RALGDS: variants seen among roughly 807,000 people sequenced by gnomAD.
The protein encoded by RALGDS is ral guanine nucleotide exchange factor.
In RALGDS, 44 loss-of-function variants were observed where a neutral mutation model predicts 99.8. The observed-to-expected ratio is 0.44, with a 90% CI of 0.35 to 0.57. The LOEUF (loss-of-function observed/expected upper bound fraction) is 0.57. Among genes scored for constraint, RALGDS ranks in the 20% least tolerant of loss-of-function variants. The pLI is 0.01. For missense variants in RALGDS, 1,022 were observed against 1,203.1 expected (o/e 0.85, Z 2.23); for synonymous variants, 529 against 505.0 (o/e 1.05, Z -0.64).
chr9:133,137,115 C>T (rs1832440399), intron 1 of RALGDS, among the ~76,000 whole-genome samples: 1 of 152,082 alleles, frequency 6.6e-6, no homozygotes. Context: ...CACCTGTAGT[C>T]CCAGCTACTC....
rs906943419 is a variant in RALGDS at position 133,108,277 on chromosome 9, G to A, written c.908C>T (p.Ser303Leu). Residue 303 changes from serine (S) to leucine (L), a missense_variant, in exon 6 of 18, where the codon TCA becomes TTA. Ser to Leu is a moderately radical substitution (Grantham distance 145, BLOSUM62 -2). Transcript: ENST00000372050. ...PEPAPTPAPG[S>L]ELEVAPAPAP... Reference sequence around the variant, plus strand: ...TGGTGCTGGAGCTACTTCTAGCTCTGAACCTGGAGCTGGTGTTGGAGCTGG... The same window carrying A: ...TGGTGCTGGAGCTACTTCTAGCTCTAAACCTGGAGCTGGTGTTGGAGCTGG... The A allele has an allele frequency of 1.9e-6, 3 of 1,569,926 alleles. No individual in the cohort carries two copies. Among genetic ancestry groups the A allele is most frequent in the African/African-American group, 2.7e-5 (2 of 73,664 alleles).
At chr9:133,132,327 G>A (rs113413916), upstream of RALGDS, among the ~76,000 whole-genome samples, 5,008 of 152,230 alleles carry the variant, frequency 0.033, 266 homozygotes, top group African/African-American at 0.11. Flanking sequence ...GTTGGTATCC[G>A]AGCAGGGATC....
intron 16 of RALGDS, 115 bp from the exon 17 acceptor site, chr9:133,100,497 G>C (rs1830705935): frequency 6.3e-7 from 1 of 1,589,586 alleles, no homozygotes; most frequent in Non-Finnish European, 8.5e-7. Context: ...GGCACTCACA[G>C]CCTCTGGCCA....
rs1385347319 is a variant in RALGDS at position 133,129,235 on chromosome 9, A to G, written c.132+1717T>C. 3.8e-6 allele frequency: 6 copies of G among 1,597,264 alleles called. No homozygotes were observed. The East Asian group carries it at 8.9e-5, about 24-fold the overall frequency. ...CGGCCCTTCTCCTGGCGGTCACCAC[A>G]GAGACACAGGCAAAGAACACAGAGC... On this transcript the variant is annotated intron_variant, in intron 1 of 17. Transcript: ENST00000372062.
chr9:133,103,891 C>T, intron 10 of RALGDS, 58 bp from the exon 11 acceptor site: 2 of 1,535,248 alleles, frequency 1.3e-6, no homozygotes, highest in East Asian at 4.5e-5. Flanking sequence ...TTTCTCAGCC[C>T]CCAGCCCCAA....
chr9:133,136,426 T>G (rs1832427132), intron 1 of RALGDS, among the ~76,000 whole-genome samples: 1 of 151,436 alleles, frequency 6.6e-6, no homozygotes, highest in South Asian at 2.1e-4. Context: ...TCACTTGAGC[T>G]CAGGAGTTCG....
Position 133,121,181 on chromosome 9 carries a change from C to CGGCCCGGCGCGCGGCGGGGGCGGCGGCG in RALGDS, c.-28_-27insCGCCGCCGCCCCCGCCGCGCGCCGGGCC. 1 of 1,042,266 alleles carries CGGCCCGGCGCGCGGCGGGGGCGGCGGCG rather than the reference C, an allele frequency of 9.6e-7. No individual in the cohort carries two copies. Among genetic ancestry groups the CGGCCCGGCGCGCGGCGGGGGCGGCGGCG allele is most frequent in the Non-Finnish European group, 1.2e-6 (1 of 868,810 alleles). The allele number at this position is 1,042,266 out of a possible 1,614,324, so 64.6% of individuals were successfully genotyped here. ...GAAGGCTCGCAGCGCGGGCGCGGGG[C>CGGCCCGGCGCGCGGCGGGGGCGGCGGCG]CGGCCCGGCGCGCGGCGGGGGCGGC... On this transcript the variant is annotated 5_prime_UTR_variant, in exon 1 of 18. Coordinates refer to ENST00000372050, the MANE Select transcript of RALGDS (RefSeq NM_006266.4).
chr9:133,100,017 C>CT (rs1426882877), intron 17 of RALGDS: 1 of 565,796 alleles, frequency 1.8e-6, no homozygotes, highest in Non-Finnish European at 3.2e-6. Flanking sequence ...TGAAAAATGC[C>CT]TTTTCTCTTT....
chr9:133,120,930 G>A lies in RALGDS; in HGVS notation c.183+42C>T, dbSNP rs979400330. On this transcript the variant is annotated intron_variant, in intron 1 of 17. Coordinates refer to ENST00000372050, the MANE Select transcript of RALGDS (RefSeq NM_006266.4). Reference sequence around the variant, plus strand: ...TGCCCAGCTCTGCCGCGGGTGGGGAGGCTCCGACGCACCCCCCGCCCGACC... The same window carrying A: ...TGCCCAGCTCTGCCGCGGGTGGGGAAGCTCCGACGCACCCCCCGCCCGACC... 8 of 1,464,294 alleles carry A rather than the reference G, an allele frequency of 5.5e-6. No individual in the cohort carries two copies. In the East Asian group the frequency reaches 2.1e-4, roughly 38 times the overall value. 90.7% of individuals were successfully genotyped at this position (1,464,294 alleles called of 1,614,324 possible).
chr9:133,098,205 G>A lies in RALGDS; in HGVS notation c.*382C>T. 1 of 399,852 alleles carries A rather than the reference G, an allele frequency of 2.5e-6. No individual in the cohort carries two copies. Among genetic ancestry groups the A allele is most frequent in the South Asian group, 2.7e-5 (1 of 37,644 alleles). 24.8% of individuals were successfully genotyped at this position (399,852 alleles called of 1,614,324 possible). On this transcript the variant is annotated 3_prime_UTR_variant, in exon 18 of 18. Coordinates refer to ENST00000372050, the MANE Select transcript of RALGDS (RefSeq NM_006266.4). ...CTGTGGGCATGAGAGAACTGCAGTG[G>A]TCACAGTGGGTGCTCTGGGGTGCCC...
intron 1 of RALGDS, among the ~76,000 whole-genome samples, chr9:133,148,349 G>C (rs1279975167): frequency 6.6e-6 from 1 of 152,236 alleles, no homozygotes; most frequent in Non-Finnish European, 1.5e-5. Flanking sequence ...AGCCCAGACA[G>C]ATCCTGGGAA....
At chr9:133,138,337 G>A (rs993876199) in intron 1 of RALGDS, among the ~76,000 whole-genome samples, 5 of 152,212 alleles carry the variant, frequency 3.3e-5, no homozygotes, top group African/African-American at 1.2e-4. Context: ...TAATCCCTGG[G>A]CTTGGCTCCT....
chr9:133,110,626 T>G, intron 2 of RALGDS, 137 bp from the exon 3 acceptor site: 1 of 801,674 alleles, frequency 1.2e-6, no homozygotes, highest in Non-Finnish European at 2.1e-6. Context: ...GGTTATCAGC[T>G]TTAAAAGTAG....
intron 7 of RALGDS, 119 bp from the exon 8 acceptor site, chr9:133,106,867 G>C: frequency 1.7e-5 from 16 of 943,070 alleles, no homozygotes; most frequent in Non-Finnish European, 2.7e-5. Context: ...AGTCCCCAGA[G>C]GGCACGCCTG....
intron 1 of RALGDS, among the ~76,000 whole-genome samples, chr9:133,143,370 T>C (rs1832555990): frequency 6.6e-6 from 1 of 152,098 alleles, no homozygotes; most frequent in Non-Finnish European, 1.5e-5. Flanking sequence ...GAACCAACTG[T>C]CAAGGACCAG....
chr9:133,113,458 G>A (rs1305940027), intron 1 of RALGDS, among the ~76,000 whole-genome samples: 1 of 152,186 alleles, frequency 6.6e-6, no homozygotes, highest in Non-Finnish European at 1.5e-5. Flanking sequence ...GAAAGCTGCG[G>A]GCATTGTGCC....
chr9:133,123,753 GACACAC>G (rs55647116), upstream of RALGDS, among the ~76,000 whole-genome samples: 9 of 58,718 alleles, frequency 1.5e-4, no homozygotes, highest in South Asian at 4.7e-3. Flanking sequence ...CAGAGACACA[GACACAC>G]ACACACACAC....
chr9:133,109,879 A>G (rs191413586), intron 3 of RALGDS, among the ~76,000 whole-genome samples, 158 bp from the exon 4 acceptor site: 2 of 152,254 alleles, frequency 1.3e-5, no homozygotes, highest in African/African-American at 4.8e-5. Flanking sequence ...TGTTCAATGA[A>G]TAAGTCCCAA....
chr9:133,104,212 C>T (rs756789853), intron 10 of RALGDS, 51 bp downstream of exon 10: 5 of 1,550,356 alleles, frequency 3.2e-6, no homozygotes, highest in Non-Finnish European at 4.4e-6. Context: ...GGGCCCTCCT[C>T]CCTACCCCCA....
Sources: gnomAD v4.1 joint callset for allele counts (sites outside exome capture counted in the v4.1 genomes callset) on GRCh38, gnomAD v4.1.1 for gene constraint, MANE v1.5 for transcripts, NCBI Gene and HGNC (gene_info 2026-07-23, HGNC 2026-07-21) for gene names.